Variants in CACNG2 observed in about 807,000 individuals in gnomAD.
CACNG2 encodes the protein voltage-dependent calcium channel gamma-2 subunit.
A neutral mutation model predicts 25.9 loss-of-function variants in CACNG2; 3 were observed. The observed-to-expected ratio is 0.12, with a 90% CI of 0.05 to 0.30. The LOEUF (loss-of-function observed/expected upper bound fraction) is 0.30, where lower values mean the gene tolerates loss of function less well. CACNG2 is among the 10% of genes least tolerant of loss of function. CACNG2 has a pLI of 1.00. For missense variants in CACNG2, 341 were observed against 432.5 expected, an observed-to-expected ratio of 0.79 and a Z score of 1.88; for synonymous variants, 167 against 173.3, an observed-to-expected ratio of 0.96 and a Z score of 0.29.
chr22:36,666,385 G>T (rs748921369), intron 1 of CACNG2, among the ~76,000 whole-genome samples: 8 of 151,888 alleles, frequency 5.3e-5, no homozygotes, highest in African/African-American at 1.9e-4. Flanking sequence ...TCCAGCCTGG[G>T]TGACAGAGTG....
intron 1 of CACNG2, among the ~76,000 whole-genome samples, chr22:36,700,782 T>C (rs1423641176): frequency 6.6e-6 from 1 of 152,218 alleles, no homozygotes; most frequent in Non-Finnish European, 1.5e-5. Flanking sequence ...GTATTCAGCA[T>C]AGAGCTCCTC....
intron 1 of CACNG2, among the ~76,000 whole-genome samples, chr22:36,602,143 C>T (rs1457761061): frequency 6.6e-6 from 1 of 152,008 alleles, no homozygotes; most frequent in Non-Finnish European, 1.5e-5. Flanking sequence ...CTATTAAAGT[C>T]CTCTGCTCAT....
chr22:36,604,133 T>C (rs1341163447), intron 1 of CACNG2, among the ~76,000 whole-genome samples: 2 of 152,214 alleles, frequency 1.3e-5, no homozygotes, highest in African/African-American at 2.4e-5. Flanking sequence ...CCAACCCTTA[T>C]AGATGACTTT....
At chr22:36,673,984 G>A (rs955352575) in intron 1 of CACNG2, among the ~76,000 whole-genome samples, 2 of 152,196 alleles carry the variant, frequency 1.3e-5, no homozygotes, top group Admixed American at 6.5e-5. Flanking sequence ...ACTCTCTCTC[G>A]ATAGCACGCA....
At chr22:36,583,223 A>C (rs1428702361) in intron 2 of CACNG2, among the ~76,000 whole-genome samples, 1 of 152,148 alleles carries the variant, frequency 6.6e-6, no homozygotes, top group Non-Finnish European at 1.5e-5. Flanking sequence ...ACCTGAGGTC[A>C]GGAATTCGAG....
intron 1 of CACNG2, among the ~76,000 whole-genome samples, chr22:36,666,890 G>A (rs1416525810): frequency 6.6e-6 from 1 of 151,806 alleles, no homozygotes; most frequent in East Asian, 1.9e-4. Flanking sequence ...TCCCCTGCCA[G>A]CACGTTGCTC....
chr22:36,589,794 C>T (rs1198134225), intron 1 of CACNG2, among the ~76,000 whole-genome samples: 1 of 152,102 alleles, frequency 6.6e-6, no homozygotes, highest in Non-Finnish European at 1.5e-5. Context: ...CTTGTCCCCT[C>T]CCTAGTACCT....
chr22:36,690,634 A>C (rs1322738726), intron 1 of CACNG2, among the ~76,000 whole-genome samples: 1 of 152,208 alleles, frequency 6.6e-6, no homozygotes, highest in Non-Finnish European at 1.5e-5. Flanking sequence ...TTTACACGTG[A>C]AAAATAGACT....
rs542751686 is a variant in CACNG2, at chr22:36,599,480, G to T, written c.212-11932C>A. ...TTTGGGAGGTGGAGGTGGGAGGATC[G>T]CATGAGCCCAGGAGTTCCAACCCAG... is the stretch of plus-strand genomic sequence containing the variant. On this transcript the variant is annotated intron_variant, in intron 1 of 3. Coordinates refer to ENST00000300105, the MANE Select transcript of CACNG2 (RefSeq NM_006078.5). 9.2e-5 allele frequency among the ~76,000 whole-genome samples: 14 copies of T among 152,210 alleles called. No individual in the cohort carries two copies. In the East Asian group the frequency reaches 1.2e-3, roughly 13 times the overall value.
chr22:36,644,916 T>C (rs1936496159), intron 1 of CACNG2, among the ~76,000 whole-genome samples: 1 of 152,104 alleles, frequency 6.6e-6, no homozygotes. Context: ...CTTCATGCCA[T>C]AGGATAAGTG....
chr22:36,644,996 T>C lies in CACNG2; in HGVS notation c.211+57370A>G, dbSNP rs138765816. Reference sequence around the variant, plus strand: ...ATGTTACTTTCATCCTTCTATCAAATTCACATAACAAGACCAAAGCCTGCA... The same window carrying C: ...ATGTTACTTTCATCCTTCTATCAAACTCACATAACAAGACCAAAGCCTGCA... On this transcript the variant is annotated intron_variant, in intron 1 of 3. Transcript: ENST00000300105. Among the ~76,000 whole-genome samples the C allele has an allele frequency of 9.2e-5, 14 of 152,314 alleles. No homozygotes were observed. In the East Asian group the frequency reaches 2.5e-3, roughly 27 times the overall value.
intron 1 of CACNG2, among the ~76,000 whole-genome samples, chr22:36,684,602 C>T (rs1035914544): frequency 1.6e-5 from 2 of 128,606 alleles, no homozygotes; most frequent in Non-Finnish European, 3.1e-5. Flanking sequence ...GGCAACAGAG[C>T]GAGACCTTGT....
chr22:36,656,312 G>A (rs1182592182), intron 1 of CACNG2, among the ~76,000 whole-genome samples: 2 of 152,160 alleles, frequency 1.3e-5, no homozygotes, highest in Admixed American at 6.5e-5. Flanking sequence ...GGGAAAGACT[G>A]TAAATTGGTA....
chr22:36,643,512 CT>C lies in CACNG2; in HGVS notation c.212-55965del, dbSNP rs1387211800. On this transcript the variant is annotated intron_variant, in intron 1 of 3. Coordinates refer to ENST00000300105, the MANE Select transcript of CACNG2 (RefSeq NM_006078.5). ...TCTATCTATCTATCTATCTATCTAT[CT>C]ATCTATCTATCCATCATGTGCAGTG... 2.0e-5 allele frequency among the ~76,000 whole-genome samples: 3 copies of C among 152,054 alleles called. No homozygotes were observed. In the East Asian group the frequency reaches 5.8e-4, roughly 29 times the overall value.
intron 1 of CACNG2, among the ~76,000 whole-genome samples, chr22:36,643,368 T>C (rs567703292): frequency 6.6e-6 from 1 of 152,140 alleles, no homozygotes; most frequent in East Asian, 1.9e-4. Context: ...GCCCCAACTA[T>C]ATGCTGTGCC....
intron 1 of CACNG2, among the ~76,000 whole-genome samples, chr22:36,690,259 G>A (rs1020374230): frequency 6.6e-6 from 1 of 152,214 alleles, no homozygotes; most frequent in Admixed American, 6.5e-5. Flanking sequence ...GGACTCAGGG[G>A]GAAGTGCGAG....
intron 3 of CACNG2, among the ~76,000 whole-genome samples, chr22:36,565,565 A>G (rs1250128692): frequency 1.3e-5 from 2 of 152,010 alleles, no homozygotes. Flanking sequence ...TGCAGTCTCA[A>G]ACTCCTGGGA....
At chr22:36,572,864 A>G (rs1453394413) in intron 2 of CACNG2, among the ~76,000 whole-genome samples, 1 of 152,212 alleles carries the variant, frequency 6.6e-6, no homozygotes, top group Non-Finnish European at 1.5e-5. Context: ...GCTAGCTGTG[A>G]ATCCAGTGAG....
intron 1 of CACNG2, among the ~76,000 whole-genome samples, chr22:36,653,982 C>CTGTGTGTGTG (rs34435196): frequency 6.7e-5 from 9 of 134,142 alleles, no homozygotes; most frequent in African/African-American, 2.5e-4. Context: ...GTGTGTGTCT[C>CTGTGTGTGTG]TGTGTGTGTG....
Sources: gnomAD v4.1 joint callset for allele counts (sites outside exome capture counted in the v4.1 genomes callset) on GRCh38, gnomAD v4.1.1 for gene constraint, MANE v1.5 for transcripts, NCBI Gene and HGNC (gene_info 2026-07-23, HGNC 2026-07-21) for gene names.